Variants in ZNF461 observed in about 807,000 individuals in gnomAD.
The protein encoded by ZNF461 is gonadotropin-inducible ovarian transcription factor-1.
ZNF461 carries 16 observed loss-of-function variants against 18.3 expected under a neutral mutation model. The observed-to-expected ratio is 0.88, with a 90% CI of 0.59 to 1.33. The LOEUF (loss-of-function observed/expected upper bound fraction) is 1.33, where lower values mean the gene tolerates loss of function less well. ZNF461 is among the 40% of genes most tolerant of loss of function. The probability of loss-of-function intolerance (pLI) is 0.00; values close to 1 mark genes in which losing one functional copy is unlikely to be tolerated. For missense variants in ZNF461, 595 were observed against 669.9 expected (o/e 0.89, Z 1.23); for synonymous variants, 179 against 216.9 (o/e 0.83, Z 1.54).
Position 36,651,135 on chromosome 19 carries a change from G to A in ZNF461, c.232+5313C>T, listed in dbSNP as rs377003344. Among the ~76,000 whole-genome samples the A allele has an allele frequency of 4.4e-4, 67 of 151,760 alleles. No homozygotes were observed. The East Asian group carries it at 7.8e-3, about 18-fold the overall frequency. On this transcript the variant is annotated intron_variant, in intron 4 of 5. Transcript: ENST00000588268. ...AGTGCCAGCTACTAGGGAGGCTGAG[G>A]CAGGAGAATGGTGTGAGCCTGGGAG... is the stretch of plus-strand genomic sequence containing the variant.
chr19:36,654,753 A>C (rs1354328960), intron 4 of ZNF461, among the ~76,000 whole-genome samples: 1 of 151,884 alleles, frequency 6.6e-6, no homozygotes, highest in Non-Finnish European at 1.5e-5. Context: ...TAGCACCCCA[A>C]ACTTTCCTGG....
At position 36,666,705 on chromosome 19, in the gene ZNF461, G is replaced by A. The variant is rs1217116788; in HGVS notation, c.-96C>T. The A allele has an allele frequency of 1.3e-5, 2 of 152,484 alleles. No homozygotes were observed. Among genetic ancestry groups the A allele is most frequent in the Non-Finnish European group, 1.5e-5 (1 of 68,344 alleles). 9.4% of individuals were successfully genotyped at this position (152,484 alleles called of 1,614,324 possible). Reference sequence around the variant, plus strand: ...GATTTCTTACCTTCAGCATTCTCAGGGAAGGCTCTGGTCCAAGCTCTGATT... The same window carrying A: ...GATTTCTTACCTTCAGCATTCTCAGAGAAGGCTCTGGTCCAAGCTCTGATT... On this transcript the variant is annotated 5_prime_UTR_variant, in exon 1 of 6. Coordinates refer to ENST00000588268, the MANE Select transcript of ZNF461 (RefSeq NM_153257.5).
chr19:36,656,143 G>A (rs977916875), intron 4 of ZNF461, among the ~76,000 whole-genome samples: 2 of 151,408 alleles, frequency 1.3e-5, no homozygotes, highest in Non-Finnish European at 3.0e-5. Context: ...GACTACAGGC[G>A]CCCACCACTG....
At chr19:36,648,489 AC>A (rs1416802779) in intron 4 of ZNF461, among the ~76,000 whole-genome samples, 1 of 152,118 alleles carries the variant, frequency 6.6e-6, no homozygotes, top group Non-Finnish European at 1.5e-5. Context: ...ATTCCTGGCA[AC>A]ACTTGTTATG....
At chr19:36,665,000 G>T (rs1452032841) in intron 1 of ZNF461, among the ~76,000 whole-genome samples, 1 of 152,128 alleles carries the variant, frequency 6.6e-6, no homozygotes, top group Non-Finnish European at 1.5e-5. Flanking sequence ...CTCAAGAAAA[G>T]CAAGGATCAT....
chr19:36,637,630 G>A lies in ZNF461; in HGVS notation c.*1023C>T, dbSNP rs1191237648. On this transcript the variant is annotated 3_prime_UTR_variant, in exon 6 of 6. Transcript: ENST00000588268. The stretch of plus-strand genomic sequence containing the variant: ...AGGAGAATTTTTAACCTGGGTGGCG[G>A]AGGTTGCAGTGAGCCAAGATTGCAC... 1 of 229,292 alleles carries A rather than the reference G, an allele frequency of 4.4e-6. No individual in the cohort carries two copies. The highest frequency in any genetic ancestry group is 2.4e-5 in the African/African-American group (1 of 42,308). 14.2% of individuals were successfully genotyped at this position (229,292 alleles called of 1,614,324 possible).
rs1230733583 is a variant in ZNF461, at chr19:36,637,681, T to G, written c.*972A>C. 3.6e-6 allele frequency: 1 copy of G among 279,904 alleles called. No homozygotes were observed. Among genetic ancestry groups the G allele is most frequent in the Non-Finnish European group, 6.9e-6 (1 of 144,402 alleles). 17.3% of individuals were successfully genotyped at this position (279,904 alleles called of 1,614,324 possible). A position where few individuals can be genotyped will look rare whatever the true frequency, so the allele number is the denominator to read the frequency against. ...CACTGGACTCCAGCCTGGGTGTGTC[T>G]CAAAAAAAAAAAAAATGAAGTAGGC... On this transcript the variant is annotated 3_prime_UTR_variant, in exon 6 of 6. Transcript: ENST00000588268.
At chr19:36,660,804 G>C (rs1359180247) in intron 2 of ZNF461, among the ~76,000 whole-genome samples, 1 of 151,010 alleles carries the variant, frequency 6.6e-6, no homozygotes, top group Non-Finnish European at 1.5e-5. Context: ...ATTGATACTA[G>C]ATAAAATCTT....
At chr19:36,662,175 A>T (rs895992781) in intron 2 of ZNF461, among the ~76,000 whole-genome samples, 1 of 150,026 alleles carries the variant, frequency 6.7e-6, no homozygotes, top group African/African-American at 2.5e-5. Context: ...AGCTATTTCC[A>T]TGTATTTCTA....
chr19:36,650,783 T>G (rs1299855297), intron 4 of ZNF461, among the ~76,000 whole-genome samples: 1 of 150,900 alleles, frequency 6.6e-6, no homozygotes, highest in African/African-American at 2.4e-5. Context: ...AATTTAATAT[T>G]TAAAAACAGT....
chr19:36,664,452 G>A (rs1276563180), intron 2 of ZNF461, among the ~76,000 whole-genome samples: 1 of 152,102 alleles, frequency 6.6e-6, no homozygotes, highest in Non-Finnish European at 1.5e-5. Context: ...GCTGGGTGTG[G>A]TGGCACGTGC....
chr19:36,639,975 G>A lies in ZNF461; in HGVS notation c.370C>T (p.Gln124Ter). 1.2e-6 allele frequency: 2 copies of A among 1,613,684 alleles called. No individual in the cohort carries two copies. Among genetic ancestry groups the A allele is most frequent in the Non-Finnish European group, 8.5e-7 (1 of 1,179,806 alleles). ...TTAAATTCTTCCATGTTAACCCACT[G>A]GGATAATTCTGTTTCATAAATATCC... ...KRDIYETELS[Q>*]WVNMEEFKSH... Residue 124 changes from glutamine to a stop codon, truncating the protein, a stop_gained, in exon 6 of 6, where the codon CAG becomes TAG. Coordinates refer to ENST00000588268, the MANE Select transcript of ZNF461 (RefSeq NM_153257.5). LOFTEE classifies it low-confidence loss of function (END_TRUNC).
chr19:36,662,103 A>G (rs1320434574), intron 2 of ZNF461, among the ~76,000 whole-genome samples: 1 of 152,082 alleles, frequency 6.6e-6, no homozygotes, highest in East Asian at 1.9e-4. Context: ...TCCCGACCTC[A>G]GGTGATCCGC....
chr19:36,637,747 A>G lies in ZNF461; in HGVS notation c.*906T>C. 2.6e-6 allele frequency: 1 copy of G among 387,386 alleles called. No individual in the cohort carries two copies. The highest frequency in any genetic ancestry group is 3.8e-4 in the Middle Eastern group (1 of 2,636). The allele number at this position is 387,386 out of a possible 1,614,324, so 24.0% of individuals were successfully genotyped here. On this transcript the variant is annotated 3_prime_UTR_variant, in exon 6 of 6. Coordinates refer to ENST00000588268, the MANE Select transcript of ZNF461 (RefSeq NM_153257.5). ...AATGAGAATGTGTAATAAATCACAT[A>G]TTATGAATAACCTACTTTTGTCCAA...
intron 4 of ZNF461, among the ~76,000 whole-genome samples, chr19:36,648,167 G>A (rs2037561459): frequency 1.3e-5 from 2 of 151,438 alleles, no homozygotes; most frequent in African/African-American, 4.9e-5. Flanking sequence ...CAACAAGAAT[G>A]AAACTCCGTT....
At chr19:36,664,131 T>G (rs573266711) in intron 2 of ZNF461, among the ~76,000 whole-genome samples, 22 of 152,304 alleles carry the variant, frequency 1.4e-4, no homozygotes, top group African/African-American at 5.1e-4. Context: ...CTTGTGTCTG[T>G]TAAAAGATTT....
At chr19:36,651,127 A>C (rs1242456909) in intron 4 of ZNF461, among the ~76,000 whole-genome samples, 1 of 149,044 alleles carries the variant, frequency 6.7e-6, no homozygotes, top group Non-Finnish European at 1.5e-5. Flanking sequence ...GCTACTAGGG[A>C]GGCTGAGGCA....
intron 1 of ZNF461, among the ~76,000 whole-genome samples, chr19:36,665,708 CAAAAAAAAAA>C (rs750223990): frequency 1.3e-5 from 1 of 77,890 alleles, no homozygotes; most frequent in African/African-American, 4.8e-5. Flanking sequence ...AACTTCGTCT[CAAAAAAAAAA>C]AAAAAAAAAG....
intron 4 of ZNF461, among the ~76,000 whole-genome samples, chr19:36,644,328 G>A (rs1223435683): frequency 6.6e-6 from 1 of 151,786 alleles, no homozygotes; most frequent in African/African-American, 2.4e-5. Flanking sequence ...GAGTGCAATG[G>A]TGCGATCTTG....
Sources: gnomAD v4.1 joint callset for allele counts (sites outside exome capture counted in the v4.1 genomes callset) on GRCh38, gnomAD v4.1.1 for gene constraint, MANE v1.5 for transcripts, NCBI Gene and HGNC (gene_info 2026-07-23, HGNC 2026-07-21) for gene names.